The following CC2D2A variants were observed in gnomAD, a reference collection of about 807,000 sequenced individuals.
The protein encoded by CC2D2A is coiled-coil and C2 domain containing 2A.
A neutral mutation model predicts 212.9 loss-of-function variants in CC2D2A; 155 were observed. The observed-to-expected ratio is 0.73, with a 90% CI of 0.64 to 0.83. The LOEUF is 0.83. Ranked by LOEUF, CC2D2A falls within the 40% of genes least tolerant of loss-of-function variation. The pLI, the probability that CC2D2A is intolerant of heterozygous loss-of-function variation, is 0.00. For synonymous variants in CC2D2A, 667 were observed against 686.5 expected (o/e 0.97, Z 0.44); for missense variants, 1,856 against 1,956.2 (o/e 0.95, Z 0.97).
At chr4:15,516,532 G>C (rs952605797) in intron 10 of CC2D2A, 93 bp from the exon 11 acceptor site, 10 of 1,264,094 alleles carry the variant, frequency 7.9e-6, no homozygotes, top group Non-Finnish European at 1.1e-5. Flanking sequence ...TATATATGTT[G>C]ACACAGAATT....
chr4:15,564,187 G>C (rs1465840558), intron 24 of CC2D2A: 2 of 152,352 alleles, frequency 1.3e-5, no homozygotes, highest in African/African-American at 2.4e-5. Context: ...CAGCCATTGG[G>C]AAGATGAGTC....
intron 24 of CC2D2A, 80 bp from the exon 25 acceptor site, chr4:15,567,297 C>A: frequency 9.1e-7 from 1 of 1,100,656 alleles, no homozygotes; most frequent in Non-Finnish European, 1.3e-6. Flanking sequence ...GACCCTATCT[C>A]AATAAATAAA....
chr4:15,599,161 TA>T (rs567641063), intron 35 of CC2D2A, among the ~76,000 whole-genome samples: 183 of 152,124 alleles, frequency 1.2e-3, no homozygotes, highest in African/African-American at 4.2e-3. Context: ...ATCCTGCCTT[TA>T]AAAAAAATTA....
In CC2D2A at chr4:15,550,818, T is replaced by G. The variant is rs1225693344; in HGVS notation, c.2182-6T>G. The stretch of plus-strand genomic sequence containing the variant: ...TTATTGGCTATTTCTCTTCTCTGGT[T>G]TTCAGGTCTATGAAACTGTCGGACA... On this transcript the variant is annotated splice_region_variant and splice_polypyrimidine_tract_variant and intron_variant, in intron 17 of 36. Coordinates refer to ENST00000424120, the MANE Select transcript of CC2D2A (RefSeq NM_001378615.1). 5 of 1,553,886 alleles carry G rather than the reference T, an allele frequency of 3.2e-6. No homozygotes were observed. The highest frequency in any genetic ancestry group is 4.4e-6 in the Non-Finnish European group (5 of 1,137,226).
intron 11 of CC2D2A, among the ~76,000 whole-genome samples, chr4:15,524,235 G>T (rs1717369912): frequency 6.6e-6 from 1 of 151,814 alleles, no homozygotes; most frequent in African/African-American, 2.4e-5. Flanking sequence ...CTGGGTTCAA[G>T]CAATTCTCTG....
At chr4:15,508,527 C>T (rs1015710436) in intron 6 of CC2D2A, among the ~76,000 whole-genome samples, 1 of 152,214 alleles carries the variant, frequency 6.6e-6, no homozygotes, top group African/African-American at 2.4e-5. Context: ...ATTTGATGCT[C>T]TACTCAAGTG....
At chr4:15,553,697 A>C (rs942382278) in intron 19 of CC2D2A, among the ~76,000 whole-genome samples, 7 of 152,116 alleles carry the variant, frequency 4.6e-5, no homozygotes, top group African/African-American at 1.7e-4. Context: ...TTTACATGAA[A>C]GTCCCCATTC....
intron 17 of CC2D2A, among the ~76,000 whole-genome samples, chr4:15,546,333 C>T (rs1478358299): frequency 1.3e-5 from 2 of 152,196 alleles, no homozygotes; most frequent in East Asian, 1.9e-4. Context: ...CTACATTCAT[C>T]TTCTCAACAC....
chr4:15,556,019 TA>T (rs1719261310), intron 20 of CC2D2A, among the ~76,000 whole-genome samples: 1 of 152,250 alleles, frequency 6.6e-6, no homozygotes, highest in African/African-American at 2.4e-5. Context: ...TGTTGTTGAT[TA>T]ATTAGTTATC....
intron 11 of CC2D2A, among the ~76,000 whole-genome samples, chr4:15,520,084 T>C (rs1171436319): frequency 6.6e-6 from 1 of 152,192 alleles, no homozygotes; most frequent in Non-Finnish European, 1.5e-5. Flanking sequence ...ACTAACTAAT[T>C]AGCTTGCAAC....
intron 36 of CC2D2A, among the ~76,000 whole-genome samples, chr4:15,600,770 A>G (rs1560201488): frequency 6.6e-6 from 1 of 151,864 alleles, no homozygotes; most frequent in African/African-American, 2.4e-5. Context: ...GGATGGTGGC[A>G]CTTGCCTGCA....
At chr4:15,533,603 T>A in intron 14 of CC2D2A, 1 of 296,040 alleles carries the variant, frequency 3.4e-6, no homozygotes, top group South Asian at 5.6e-5. Flanking sequence ...AATATATAGT[T>A]TAATATTGCC....
rs182383712 is a variant in CC2D2A, at chr4:15,514,697, C to T, written c.718-10C>T. 2.9e-5 allele frequency: 43 copies of T among 1,496,966 alleles called. No individual in the cohort carries two copies. In the African/African-American group the frequency reaches 4.3e-4, roughly 15 times the overall value. 92.7% of individuals were successfully genotyped at this position (1,496,966 alleles called of 1,614,324 possible). ...ATGATTTTTTCTTGTTACTTTTTAA[C>T]ATTATGCAGGATGAGGAAGAACTGC... is the stretch of plus-strand genomic sequence containing the variant. On this transcript the variant is annotated splice_polypyrimidine_tract_variant and intron_variant, in intron 8 of 36. Coordinates refer to ENST00000424120, the MANE Select transcript of CC2D2A (RefSeq NM_001378615.1).
intron 11 of CC2D2A, among the ~76,000 whole-genome samples, chr4:15,524,641 C>T (rs972509096): frequency 2.6e-5 from 4 of 151,414 alleles, no homozygotes; most frequent in Admixed American, 6.6e-5. Context: ...TCAGTAGAGA[C>T]GGGGTTTCAC....
intron 2 of CC2D2A, among the ~76,000 whole-genome samples, chr4:15,476,981 A>G (rs997080836): frequency 1.3e-5 from 2 of 152,244 alleles, no homozygotes; most frequent in African/African-American, 2.4e-5. Flanking sequence ...AGCCTGAGGA[A>G]ACTCATTATA....
intron 4 of CC2D2A, among the ~76,000 whole-genome samples, chr4:15,500,094 TG>T: frequency 1.8e-5 from 1 of 55,896 alleles, no homozygotes; most frequent in South Asian, 6.3e-4. Flanking sequence ...TGTGTGTGTG[TG>T]TGTGTGTGTG....
intron 20 of CC2D2A, among the ~76,000 whole-genome samples, chr4:15,556,858 T>C (rs1719306178): frequency 6.6e-6 from 1 of 152,260 alleles, no homozygotes; most frequent in Non-Finnish European, 1.5e-5. Context: ...CAGGAAAGCA[T>C]GGCTGTGGAG....
chr4:15,588,627 T>C (rs1720959760), intron 32 of CC2D2A, among the ~76,000 whole-genome samples: 1 of 152,158 alleles, frequency 6.6e-6, no homozygotes, highest in Non-Finnish European at 1.5e-5. Flanking sequence ...GGTAATAAAG[T>C]AGTATCATAT....
chr4:15,572,804 A>G (rs1720228257), intron 28 of CC2D2A, among the ~76,000 whole-genome samples: 5 of 152,076 alleles, frequency 3.3e-5, no homozygotes, highest in Admixed American at 3.3e-4. Flanking sequence ...GAGTCCCAAA[A>G]CCTCAAAAGT....
Sources: gnomAD v4.1 joint callset for allele counts (sites outside exome capture counted in the v4.1 genomes callset) on GRCh38, gnomAD v4.1.1 for gene constraint, MANE v1.5 for transcripts, NCBI Gene and HGNC (gene_info 2026-07-23, HGNC 2026-07-21) for gene names.